Variants in ACACA observed in about 807,000 individuals in gnomAD.
ACACA encodes the protein acetyl-CoA carboxylase alpha.
A neutral mutation model predicts 296.1 loss-of-function variants in ACACA; 103 were observed. That is an observed-to-expected ratio of 0.35 (90% CI 0.30 to 0.41). The LOEUF is 0.41. Among genes scored for constraint, ACACA ranks in the 10% least tolerant of loss-of-function variants. The pLI is 1.00. For synonymous variants in ACACA, 953 were observed against 1,038.6 expected (o/e 0.92, Z 1.58); for missense variants, 1,554 against 2,989.7 (o/e 0.52, Z 11.20).
intron 3 of ACACA, among the ~76,000 whole-genome samples, chr17:37,318,340 T>C (rs1242085902): frequency 6.6e-6 from 1 of 152,192 alleles, no homozygotes; most frequent in Non-Finnish European, 1.5e-5. Flanking sequence ...CCTCCCGGGT[T>C]CAAGCAATTC....
intron 45 of ACACA, chr17:37,140,665 C>T: frequency 5.3e-6 from 1 of 189,138 alleles, no homozygotes; most frequent in East Asian, 1.2e-4. Flanking sequence ...TGGTGTGGGT[C>T]TTGATGAGGT....
intron 3 of ACACA, among the ~76,000 whole-genome samples, chr17:37,298,412 G>T (rs889532956): frequency 1.3e-5 from 2 of 152,150 alleles, no homozygotes; most frequent in African/African-American, 4.8e-5. Context: ...GGGATGCCAG[G>T]CACAGTGGCC....
In ACACA at chr17:37,233,954, C is replaced by T. The variant is rs141738915; in HGVS notation, c.3246+1021G>A. On this transcript the variant is annotated intron_variant, in intron 25 of 55. Coordinates refer to ENST00000616317, the MANE Select transcript of ACACA (RefSeq NM_198834.3). ...AGTGGCTATTCTAAAAAATGTGATA[C>T]GCTTTAGAGTTAACCAGCTAGGCAT... Among the ~76,000 whole-genome samples, 23 of 152,190 alleles carry T rather than the reference C, an allele frequency of 1.5e-4. No homozygotes were observed. In the East Asian group the frequency reaches 3.3e-3, roughly 22 times the overall value.
chr17:37,263,572 A>G lies in ACACA; in HGVS notation c.1329+113T>C, dbSNP rs2081611774. The G allele has an allele frequency of 1.2e-5, 11 of 924,450 alleles. No individual in the cohort carries two copies. In the South Asian group the frequency reaches 1.6e-4, roughly 13 times the overall value. The allele number at this position is 924,450 out of a possible 1,614,324, so 57.3% of individuals were successfully genotyped here. A position where few individuals can be genotyped will look rare whatever the true frequency, so the allele number is the denominator to read the frequency against. ...TTCTCTAAGAAAAGGATATAATTTT[A>G]TTAATTATTCAGAATCGTTGCTTAA... On this transcript the variant is annotated intron_variant, in intron 11 of 55. Transcript: ENST00000616317.
chr17:37,149,334 T>C (rs1403200221), intron 45 of ACACA, among the ~76,000 whole-genome samples: 1 of 152,206 alleles, frequency 6.6e-6, no homozygotes, highest in Non-Finnish European at 1.5e-5. Flanking sequence ...TTTCGAGAGG[T>C]GTATTTACAG....
intron 49 of ACACA, among the ~76,000 whole-genome samples, chr17:37,121,837 T>C (rs938731739): frequency 6.6e-6 from 1 of 152,180 alleles, no homozygotes; most frequent in Non-Finnish European, 1.5e-5. Context: ...CTCCCAGTCC[T>C]TTCACCTTTG....
intron 2 of ACACA, among the ~76,000 whole-genome samples, chr17:37,331,094 C>CATTTATTTATTTATTT (rs34937895): frequency 2.1e-5 from 3 of 146,186 alleles, no homozygotes; most frequent in South Asian, 2.2e-4. Context: ...TTTTATTTTT[C>CATTTATTTATTTATTT]ATTTATTTAT....
At chr17:37,297,190 C>A (rs2146823834) in intron 3 of ACACA, among the ~76,000 whole-genome samples, 1 of 151,158 alleles carries the variant, frequency 6.6e-6, no homozygotes, top group East Asian at 2.0e-4. Context: ...GCCTGTAATC[C>A]CAGCACTTTG....
chr17:37,137,080 CT>C (rs1353682875), intron 45 of ACACA, among the ~76,000 whole-genome samples: 4 of 152,048 alleles, frequency 2.6e-5, no homozygotes, highest in African/African-American at 9.7e-5. Context: ...CTTATATTTT[CT>C]TTGGTGTAAT....
At chr17:37,235,917 A>G (rs2080089878) in intron 24 of ACACA, among the ~76,000 whole-genome samples, 1 of 152,240 alleles carries the variant, frequency 6.6e-6, no homozygotes, top group Admixed American at 6.5e-5. Flanking sequence ...CCTCTGGTAC[A>G]CTGTAGTGAT....
At chr17:37,402,655 A>C (rs1269263578) in intron 1 of ACACA, among the ~76,000 whole-genome samples, 2 of 152,096 alleles carry the variant, frequency 1.3e-5, no homozygotes. Flanking sequence ...TGTATCTTCT[A>C]CATTTTGCCT....
At chr17:37,244,418 A>G (rs2080587131) in intron 21 of ACACA, among the ~76,000 whole-genome samples, 170 bp downstream of exon 21, 1 of 152,108 alleles carries the variant, frequency 6.6e-6, no homozygotes, top group Non-Finnish European at 1.5e-5. Flanking sequence ...CATGACAAGG[A>G]TAAGAAACAT....
chr17:37,118,105 TC>T (rs1346103917), intron 50 of ACACA, among the ~76,000 whole-genome samples: 1 of 152,192 alleles, frequency 6.6e-6, no homozygotes, highest in Non-Finnish European at 1.5e-5. Context: ...AAGGCACTGT[TC>T]CTCCCCCTCC....
chr17:37,390,330 A>ATATATATAATATATATATC (rs1386032855), intron 1 of ACACA, among the ~76,000 whole-genome samples: 1 of 41,592 alleles, frequency 2.4e-5, no homozygotes, highest in African/African-American at 1.3e-4. Flanking sequence ...ATATATATAT[A>ATATATATAATATATATATC]TATAAAAGGC....
intron 3 of ACACA, among the ~76,000 whole-genome samples, chr17:37,310,811 AAAAG>A (rs201613872): frequency 2.0e-5 from 3 of 149,376 alleles, no homozygotes; most frequent in Non-Finnish European, 4.4e-5. Flanking sequence ...AAAAAAAAAA[AAAAG>A]AAAGAAAATG....
chr17:37,233,063 C>CA (rs576098675), intron 25 of ACACA, among the ~76,000 whole-genome samples: 355 of 152,294 alleles, frequency 2.3e-3, no homozygotes, highest in Non-Finnish European at 3.8e-3. Flanking sequence ...CGTGGAAAGT[C>CA]AGAGTCCCAT....
chr17:37,186,425 G>A (rs1274040703), intron 39 of ACACA, among the ~76,000 whole-genome samples: 1 of 152,136 alleles, frequency 6.6e-6, no homozygotes, highest in African/African-American at 2.4e-5. Flanking sequence ...CATACTATAA[G>A]TAGTCAATCA....
At chr17:37,092,288 AG>A (rs2072699214) in intron 54 of ACACA, among the ~76,000 whole-genome samples, 1 of 151,586 alleles carries the variant, frequency 6.6e-6, no homozygotes. Flanking sequence ...AAAAAAAAAA[AG>A]AAAATGTGGC....
intron 29 of ACACA, among the ~76,000 whole-genome samples, chr17:37,212,115 A>G (rs1306798937): frequency 6.6e-6 from 1 of 152,234 alleles, no homozygotes; most frequent in African/African-American, 2.4e-5. Context: ...CTCAGTTCAG[A>G]GAGAACTCTA....
Sources: gnomAD v4.1 joint callset for allele counts (sites outside exome capture counted in the v4.1 genomes callset) on GRCh38, gnomAD v4.1.1 for gene constraint, MANE v1.5 for transcripts, NCBI Gene and HGNC (gene_info 2026-07-23, HGNC 2026-07-21) for gene names.